The following RBFOX3 variants were observed in gnomAD, a reference collection of about 807,000 sequenced individuals.
The protein encoded by RBFOX3 is RNA binding protein fox-1 homolog 3.
Under a neutral mutation model 48.7 loss-of-function variants are expected in RBFOX3, and 17 were observed. The observed-to-expected ratio is 0.35, with a 90% CI of 0.24 to 0.52. The LOEUF (loss-of-function observed/expected upper bound fraction) is 0.52. Among genes scored for constraint, RBFOX3 ranks in the 20% least tolerant of loss-of-function variants. RBFOX3 has a pLI of 0.94. For synonymous variants in RBFOX3, 212 were observed against 209.5 expected, an observed-to-expected ratio of 1.01 and a Z score of -0.10; for missense variants, 382 against 497.5, an observed-to-expected ratio of 0.77 and a Z score of 2.21.
chr17:79,487,741 C>A (rs1175826029), intron 1 of RBFOX3, among the ~76,000 whole-genome samples: 1 of 151,780 alleles, frequency 6.6e-6, no homozygotes, highest in South Asian at 2.1e-4. Context: ...GAAACCCTGT[C>A]TTTACTAAAA....
chr17:79,527,604 T>C (rs980256198), intron 1 of RBFOX3, among the ~76,000 whole-genome samples: 5 of 152,218 alleles, frequency 3.3e-5, no homozygotes, highest in African/African-American at 1.2e-4. Flanking sequence ...TTCTATACAT[T>C]ATTCCCTCCA....
intron 2 of RBFOX3, among the ~76,000 whole-genome samples, chr17:79,371,379 C>T (rs978202767): frequency 3.3e-5 from 5 of 152,226 alleles, no homozygotes; most frequent in East Asian, 1.9e-4. Flanking sequence ...CCAGGGCTTC[C>T]GTCTTCCTCA....
chr17:79,379,709 C>T (rs1439116156), intron 2 of RBFOX3, among the ~76,000 whole-genome samples: 7 of 152,130 alleles, frequency 4.6e-5, no homozygotes, highest in Non-Finnish European at 4.4e-5. Context: ...CCGCAAATCC[C>T]GGATGGACTC....
intron 4 of RBFOX3, among the ~76,000 whole-genome samples, chr17:79,148,002 G>A (rs1193738338): frequency 1.3e-5 from 2 of 151,940 alleles, no homozygotes; most frequent in Admixed American, 6.6e-5. Flanking sequence ...CAGAGCCGCC[G>A]CTGCCGTGGG....
At chr17:79,501,502 CT>C (rs1418460711) in intron 1 of RBFOX3, among the ~76,000 whole-genome samples, 5 of 152,288 alleles carry the variant, frequency 3.3e-5, no homozygotes, top group Non-Finnish European at 7.3e-5. Context: ...GAGTCCCACC[CT>C]CTGCCTCCTC....
intron 2 of RBFOX3, among the ~76,000 whole-genome samples, chr17:79,341,621 G>A (rs562745585): frequency 2.0e-5 from 3 of 152,252 alleles, no homozygotes; most frequent in Admixed American, 6.5e-5. Context: ...CTCCTTGTTG[G>A]CACCTTGGAA....
intron 4 of RBFOX3, among the ~76,000 whole-genome samples, chr17:79,133,540 T>C (rs2039473596): frequency 6.6e-6 from 1 of 152,158 alleles, no homozygotes; most frequent in Non-Finnish European, 1.5e-5. Context: ...CTCCTCTACA[T>C]CCTTGAGGTG....
intron 3 of RBFOX3, among the ~76,000 whole-genome samples, chr17:79,261,741 G>A (rs1353012820): frequency 2.6e-5 from 4 of 152,188 alleles, no homozygotes; most frequent in African/African-American, 7.2e-5. Flanking sequence ...TGGTCGCCAC[G>A]GGGACCTTGG....
intron 2 of RBFOX3, among the ~76,000 whole-genome samples, chr17:79,367,730 G>C (rs2057989888): frequency 6.6e-6 from 1 of 152,156 alleles, no homozygotes; most frequent in Non-Finnish European, 1.5e-5. Context: ...CGGCCAGTGG[G>C]TGTCATGGTG....
rs753633768 is a variant in RBFOX3 at position 79,243,532 on chromosome 17, G to A, written c.-73-7727C>T. On this transcript the variant is annotated intron_variant, in intron 3 of 14. Transcript: ENST00000693108. This position sits in a 1 kb window ranked among gnomAD's most constrained non-coding sequence, Gnocchi z 7.9. The stretch of plus-strand genomic sequence containing the variant: ...GAGTCGACCACAGTCAATTGCTTGG[G>A]TGATATATTAGAGGTTCTGTCTGGT... Among the ~76,000 whole-genome samples, 38 of 152,154 alleles carry A rather than the reference G, an allele frequency of 2.5e-4. No individual in the cohort carries two copies. Among genetic ancestry groups the A allele is most frequent in the Non-Finnish European group, 4.4e-4 (30 of 68,034 alleles).
intron 5 of RBFOX3, among the ~76,000 whole-genome samples, chr17:79,107,298 T>C (rs1015866859): frequency 6.6e-6 from 1 of 152,182 alleles, no homozygotes; most frequent in African/African-American, 2.4e-5. Flanking sequence ...TGCTCCTGCT[T>C]ATTCCAGCCT....
At chr17:79,173,475 G>T (rs1053099957) in intron 4 of RBFOX3, among the ~76,000 whole-genome samples, 6 of 152,224 alleles carry the variant, frequency 3.9e-5, no homozygotes, top group Non-Finnish European at 7.3e-5. Context: ...GTGCTGCCTG[G>T]TGGGGAGGGC....
intron 1 of RBFOX3, among the ~76,000 whole-genome samples, chr17:79,533,618 C>T (rs962534580): frequency 2.0e-5 from 3 of 152,210 alleles, no homozygotes; most frequent in Admixed American, 2.0e-4. Context: ...AGATACCCCG[C>T]GATGGGGAAG....
At chr17:79,293,415 CCTT>C (rs2073748805) in intron 3 of RBFOX3, among the ~76,000 whole-genome samples, 1 of 6,578 alleles carries the variant, frequency 1.5e-4, no homozygotes, top group Admixed American at 2.5e-3. Flanking sequence ...TCCACCCCTT[CCTT>C]CCTTCCTTCC....
At chr17:79,270,352 CA>C (rs370369596) in intron 3 of RBFOX3, among the ~76,000 whole-genome samples, 33 of 152,274 alleles carry the variant, frequency 2.2e-4, no homozygotes, top group African/African-American at 7.5e-4. Context: ...CTCAGATACC[CA>C]AACCTCTAAG....
the RBFOX3 span, among the ~76,000 whole-genome samples, chr17:79,634,603 A>G: frequency 6.6e-6 from 1 of 152,172 alleles, no homozygotes; most frequent in Admixed American, 6.5e-5. Context: ...ACACAGAAGC[A>G]TGAGGCACAG....
intron 2 of RBFOX3, among the ~76,000 whole-genome samples, chr17:79,371,014 G>A (rs1207748221): frequency 2.7e-5 from 4 of 150,784 alleles, no homozygotes; most frequent in East Asian, 2.0e-4. Flanking sequence ...GGGTTAGGGA[G>A]GGAAGGGGGA....
rs540162928 is a variant in RBFOX3 at position 79,272,484 on chromosome 17, T to C, written c.-74+35240A>G. On this transcript the variant is annotated intron_variant, in intron 3 of 14. Coordinates refer to ENST00000693108, the MANE Select transcript of RBFOX3 (RefSeq NM_001350451.2). The stretch of plus-strand genomic sequence containing the variant: ...AGACAAGCCATTCCCCTCTTCTCAG[T>C]GTTACACAGGCTGCCGGCCGGCCTG... 2.0e-5 allele frequency among the ~76,000 whole-genome samples: 3 copies of C among 152,290 alleles called. No individual in the cohort carries two copies. The South Asian group carries it at 6.2e-4, about 32-fold the overall frequency.
intron 2 of RBFOX3, among the ~76,000 whole-genome samples, chr17:79,310,003 C>T (rs1413586343): frequency 2.6e-5 from 4 of 152,178 alleles, no homozygotes; most frequent in Non-Finnish European, 5.9e-5. Context: ...GCACAACGCC[C>T]TAAAACGGAA....
Sources: allele counts gnomAD v4.1 joint callset (sites outside exome capture counted in the v4.1 genomes callset), GRCh38; gene constraint gnomAD v4.1.1; non-coding constraint Gnocchi (gnomAD v3.1); transcripts MANE v1.5; gene names NCBI Gene and HGNC (gene_info 2026-07-23, HGNC 2026-07-21).